The following ANPEP variants were observed in gnomAD, a reference collection of about 807,000 sequenced individuals.
The protein encoded by ANPEP is alanyl aminopeptidase, membrane.
ANPEP carries 70 observed loss-of-function variants against 114.6 expected under a neutral mutation model. The ratio of observed to expected loss-of-function variants is 0.61; its 90% confidence interval spans 0.50 to 0.75. The LOEUF (loss-of-function observed/expected upper bound fraction) is 0.75, where lower values mean the gene tolerates loss of function less well. ANPEP is among the 30% of genes least tolerant of loss of function. The pLI is 0.00. For synonymous variants in ANPEP, 548 were observed against 522.3 expected (o/e 1.05, Z -0.67); for missense variants, 1,184 against 1,259.5 (o/e 0.94, Z 0.91).
At chr15:89,798,726 G>T (rs979920314) in intron 14 of ANPEP, among the ~76,000 whole-genome samples, 1 of 151,408 alleles carries the variant, frequency 6.6e-6, no homozygotes, top group African/African-American at 2.4e-5. Context: ...TGGATCACAA[G>T]GTCAGGAGTG....
In ANPEP at chr15:89,799,331, C is replaced by G. The variant is rs760409889; in HGVS notation, c.1954-16G>C. 6.2e-7 allele frequency: 1 copy of G among 1,614,216 alleles called. No homozygotes were observed. The highest frequency in any genetic ancestry group is 8.5e-7 in the Non-Finnish European group (1 of 1,180,036). On this transcript the variant is annotated splice_polypyrimidine_tract_variant and intron_variant, in intron 13 of 20. Coordinates refer to ENST00000300060, the MANE Select transcript of ANPEP (RefSeq NM_001150.3). This position sits in a 1 kb window ranked among gnomAD's most constrained non-coding sequence, Gnocchi z 4.2. ...CAGGGATGGCCTAGAATGCGAAGCA[C>G]AGCATGTGACCATGGGTTGGCTGTG...
At position 89,801,564 on chromosome 15, in the gene ANPEP, T is replaced by G. The variant is rs540893220; in HGVS notation, c.1613A>C (p.Asp538Ala). The change falls in exon 11 of 21, where the codon GAC becomes GCC. Residue 538 changes from aspartate (D) to alanine (A), a missense_variant. Physicochemically the swap from Asp to Ala is moderately radical, Grantham distance 126. Coordinates refer to ENST00000300060, the MANE Select transcript of ANPEP (RefSeq NM_001150.3). ...RSIQLPTTVR[D>A]IMNRWTLQMG... ...CTGCAGGGTCCAGCGGTTCATGATG[T>G]CCCGCACGGTGGTGGGGAGTTGGAT... 4.3e-6 allele frequency: 7 copies of G among 1,613,944 alleles called. No individual in the cohort carries two copies. The Admixed American group carries it at 1.2e-4, about 27-fold the overall frequency.
intron 4 of ANPEP, 95 bp from the exon 5 acceptor site, chr15:89,804,712 T>TCA: frequency 7.9e-6 from 12 of 1,515,648 alleles, no homozygotes; most frequent in Non-Finnish European, 1.1e-5. Flanking sequence ...GGGGGATCCC[T>TCA]GATGGGCCAG....
intron 18 of ANPEP, among the ~76,000 whole-genome samples, 177 bp from the exon 19 acceptor site, chr15:89,791,270 A>AGCAGGGTC (rs1182730220): frequency 1.3e-5 from 2 of 152,186 alleles, no homozygotes; most frequent in Non-Finnish European, 2.9e-5. Context: ...GAGTCACCTA[A>AGCAGGGTC]GCAGGGTCAC....
At chr15:89,787,476 T>C (rs1968529552) in intron 20 of ANPEP, among the ~76,000 whole-genome samples, 1 of 151,966 alleles carries the variant, frequency 6.6e-6, no homozygotes, top group South Asian at 2.1e-4. Flanking sequence ...ACATAAAGTA[T>C]AAGCAACCAA....
chr15:89,786,386 C>CATT (rs71903105), intron 20 of ANPEP, among the ~76,000 whole-genome samples: 1 of 130,558 alleles, frequency 7.7e-6, no homozygotes, highest in African/African-American at 3.0e-5. Context: ...ATTTTAACTA[C>CATT]TTTTTTTTTT....
chr15:89,805,589 C>T (rs1894694124), intron 2 of ANPEP, 126 bp from the exon 3 acceptor site: 6 of 1,341,842 alleles, frequency 4.5e-6, no homozygotes, highest in South Asian at 4.0e-5. Context: ...CCTGCTCCTG[C>T]TCCCACCCCC....
In ANPEP at chr15:89,806,065, G is replaced by C; in HGVS notation, c.519C>G (p.Asp173Glu). The C allele has an allele frequency of 6.2e-7, 1 of 1,613,968 alleles. No homozygotes were observed. Among genetic ancestry groups the C allele is most frequent in the South Asian group, 1.1e-5 (1 of 91,078 alleles). Residue 173 changes from aspartate (D) to glutamate (E), a missense_variant, in exon 2 of 21, where the codon GAC (aspartate) becomes GAG (glutamate). Asp to Glu is a conservative substitution (Grantham distance 45). Transcript: ENST00000300060. The surrounding 1 kb of genome is among the most constrained non-coding windows in gnomAD (Gnocchi z 5.7). Reference protein sequence around the residue: ...VVHLKGSLVKDSQYEMDSEFE... With the variant: ...VVHLKGSLVKESQYEMDSEFE... Reference sequence around the variant, plus strand: ...ACTCGCTGTCCATCTCATACTGGCTGTCCTTCACCAGGGAGCCCTTGAGGT... The same window carrying C: ...ACTCGCTGTCCATCTCATACTGGCTCTCCTTCACCAGGGAGCCCTTGAGGT...
intron 16 of ANPEP, 56 bp downstream of exon 16, chr15:89,792,979 G>T: frequency 7.0e-7 from 1 of 1,435,678 alleles, no homozygotes; most frequent in Non-Finnish European, 9.8e-7. Context: ...CCAGGATGTT[G>T]CTCTTGACTC....
intron 1 of ANPEP, among the ~76,000 whole-genome samples, chr15:89,814,544 C>T (rs1894874283): frequency 6.6e-6 from 1 of 152,192 alleles, no homozygotes; most frequent in African/African-American, 2.4e-5. Context: ...CTGCGAGGCC[C>T]GCTGGGGACC....
At chr15:89,795,860 A>G (rs1227194003) in intron 15 of ANPEP, among the ~76,000 whole-genome samples, 2 of 152,220 alleles carry the variant, frequency 1.3e-5, no homozygotes, top group Non-Finnish European at 2.9e-5. Flanking sequence ...ACCTCCAAGC[A>G]TGGGAGCTGT....
chr15:89,807,285 G>A (rs1894734619), intron 1 of ANPEP, among the ~76,000 whole-genome samples: 1 of 152,222 alleles, frequency 6.6e-6, no homozygotes, highest in South Asian at 2.1e-4. Flanking sequence ...CTGTGACCTT[G>A]AGCAGGTAAC....
At chr15:89,807,710 A>G (rs556961885) in intron 1 of ANPEP, among the ~76,000 whole-genome samples, 2 of 152,290 alleles carry the variant, frequency 1.3e-5, no homozygotes, top group East Asian at 3.9e-4. Context: ...AAAAAAGAAA[A>G]AAATCGTTCC....
intron 15 of ANPEP, among the ~76,000 whole-genome samples, chr15:89,793,508 C>A (rs1968672095): frequency 6.6e-6 from 1 of 152,016 alleles, no homozygotes; most frequent in Non-Finnish European, 1.5e-5. Flanking sequence ...CGAGATCAGC[C>A]TGGGCAACAT....
In ANPEP at chr15:89,803,609, C is replaced by G. The variant is rs1894641538; in HGVS notation, c.1437+38G>C. On this transcript the variant is annotated intron_variant, in intron 8 of 20. Transcript: ENST00000300060. This position sits in a 1 kb window ranked among gnomAD's most constrained non-coding sequence, Gnocchi z 4.2. ...GTGAGGCCCCTCCAGGCCAAGTCCC[C>G]ACCTCCTTCCCCGTGCCCCACGAGG... 1 of 1,603,426 alleles carries G rather than the reference C, an allele frequency of 6.2e-7. No homozygotes were observed. The highest frequency in any genetic ancestry group is 1.3e-5 in the African/African-American group (1 of 74,752).
At position 89,797,710 on chromosome 15, in the gene ANPEP, G is replaced by A; in HGVS notation, c.2022C>T (p.Val674=). Residue 674 remains valine (V), a synonymous_variant, in exon 15 of 21, where the codon GTC becomes GTT. Transcript: ENST00000300060. ...DAFNLASAHK[V]PVTLALNNTL... ...TGTTGTTCAGCGCCAGAGTGACAGG[G>A]ACCTTATGGGCACTGGGAATAAACA... 6.2e-7 allele frequency: 1 copy of A among 1,614,048 alleles called. No homozygotes were observed. The highest frequency in any genetic ancestry group is 8.5e-7 in the Non-Finnish European group (1 of 1,180,006).
At chr15:89,797,399 C>T (rs1024113668) in intron 15 of ANPEP, 176 bp downstream of exon 15, 6 of 923,072 alleles carry the variant, frequency 6.5e-6, no homozygotes, top group Middle Eastern at 3.4e-4. Context: ...CTTTCACCTG[C>T]GTGCTCTCAG....
intron 4 of ANPEP, 40 bp from the exon 5 acceptor site, chr15:89,804,657 T>G (rs766350380): frequency 1.2e-5 from 20 of 1,602,352 alleles, no homozygotes; most frequent in Admixed American, 1.0e-4. Context: ...GGGCTCCTGT[T>G]TGATCCTGGG....
chr15:89,790,475 C>A lies in ANPEP; in HGVS notation c.2736G>T (p.Glu912Asp). ...IQAVTRRFST[E>D]YELQQLEQFK... ...GACTTCTTACCTGCTGCAGCTCATA[C>A]TCGGTGGAGAATCGTCGTGTCACTG... is the stretch of plus-strand genomic sequence containing the variant. The change falls in exon 20 of 21, where the codon GAG (glutamate) becomes GAT (aspartate). Residue 912 changes from glutamate to aspartate, a missense_variant. By Grantham distance (45) the Glu-to-Asp change is conservative. Transcript: ENST00000300060. 1 of 1,613,912 alleles carries A rather than the reference C, an allele frequency of 6.2e-7. No homozygotes were observed. Among genetic ancestry groups the A allele is most frequent in the Non-Finnish European group, 8.5e-7 (1 of 1,179,856 alleles).
Sources: gnomAD v4.1 joint callset for allele counts (sites outside exome capture counted in the v4.1 genomes callset) on GRCh38, gnomAD v4.1.1 for gene constraint, Gnocchi (gnomAD v3.1) non-coding constraint, MANE v1.5 for transcripts, NCBI Gene and HGNC (gene_info 2026-07-23, HGNC 2026-07-21) for gene names.